Variants in ABCA1 observed in about 807,000 individuals in gnomAD.
The protein encoded by ABCA1 is phospholipid-transporting ATPase ABCA1.
Under a neutral mutation model 262.5 loss-of-function variants are expected in ABCA1, and 133 were observed. That is an observed-to-expected ratio of 0.51 (90% CI 0.44 to 0.59). The LOEUF (loss-of-function observed/expected upper bound fraction) is 0.59, where lower values mean the gene tolerates loss of function less well. Ranked by LOEUF, ABCA1 falls within the 20% of genes least tolerant of loss-of-function variation. The pLI, the probability that ABCA1 is intolerant of heterozygous loss-of-function variation, is 0.00. For missense variants in ABCA1, 2,452 were observed against 2,777.5 expected, an observed-to-expected ratio of 0.88 and a Z score of 2.63; for synonymous variants, 1,022 against 1,043.5, an observed-to-expected ratio of 0.98 and a Z score of 0.40.
intron 34 of ABCA1, among the ~76,000 whole-genome samples, chr9:104,801,472 G>A (rs539107477): frequency 2.0e-5 from 3 of 150,914 alleles, no homozygotes; most frequent in East Asian, 2.0e-4. Flanking sequence ...TGCCCGCCTC[G>A]GCATCCCAAA....
At chr9:104,862,085 C>T (rs1836462209) in intron 5 of ABCA1, among the ~76,000 whole-genome samples, 1 of 151,316 alleles carries the variant, frequency 6.6e-6, no homozygotes, top group African/African-American at 2.4e-5. Flanking sequence ...CATACACACA[C>T]ACACAGCCTT....
rs111761827 is a variant in ABCA1 at position 104,909,649 on chromosome 9, C to T, written c.-92-5878G>A. 1.6e-3 allele frequency among the ~76,000 whole-genome samples: 222 copies of T among 139,256 alleles called. 2 individuals carry two copies. The Middle Eastern group carries it at 0.022, about 14-fold the overall frequency. 91.4% of individuals were successfully genotyped at this position (139,256 alleles called of 152,430 possible). On this transcript the variant is annotated intron_variant, in intron 1 of 49. Transcript: ENST00000374736. ...ACACACACACACACACACACACACA[C>T]ACACATTCACAGGAAGCTGGCTGTG...
chr9:104,875,172 T>A (rs1838041185), intron 5 of ABCA1, among the ~76,000 whole-genome samples: 1 of 151,080 alleles, frequency 6.6e-6, no homozygotes, highest in African/African-American at 2.4e-5. Flanking sequence ...TGAAAAAAAA[T>A]AAATAAATAA....
chr9:104,847,476 C>A (rs572632283), intron 7 of ABCA1, among the ~76,000 whole-genome samples: 7 of 152,230 alleles, frequency 4.6e-5, no homozygotes, highest in Non-Finnish European at 8.8e-5. Context: ...CATCCCCTGC[C>A]TTTTTCTTCC....
intron 10 of ABCA1, 88 bp from the exon 11 acceptor site, chr9:104,837,184 C>A: frequency 8.4e-7 from 1 of 1,185,686 alleles, no homozygotes; most frequent in Non-Finnish European, 1.2e-6. Context: ...AAAGATACCC[C>A]ATCACAGCAG....
chr9:104,847,794 G>A (rs73521819), intron 7 of ABCA1, among the ~76,000 whole-genome samples: 2,552 of 152,228 alleles, frequency 0.017, 62 homozygotes, highest in African/African-American at 0.057. Context: ...TTCTTTTACT[G>A]AGCATTTGCC....
chr9:104,861,495 C>T, intron 6 of ABCA1, 184 bp downstream of exon 6: 8 of 766,832 alleles, frequency 1.0e-5, no homozygotes, highest in Non-Finnish European at 1.7e-5. Flanking sequence ...GTTGCATATT[C>T]CACTCCTGGA....
intron 28 of ABCA1, among the ~76,000 whole-genome samples, chr9:104,811,762 A>C (rs1339999596): frequency 6.6e-6 from 1 of 152,224 alleles, no homozygotes; most frequent in Non-Finnish European, 1.5e-5. Flanking sequence ...CTATGTTGTC[A>C]TTATTTATGG....
At chr9:104,784,671 G>A (rs538779463) in intron 49 of ABCA1, among the ~76,000 whole-genome samples, 19 of 152,234 alleles carry the variant, frequency 1.2e-4, no homozygotes, top group African/African-American at 3.6e-4. Context: ...TTGAAATGGG[G>A]TCTTGCTCTG....
At chr9:104,812,365 C>T (rs984647551) in intron 28 of ABCA1, among the ~76,000 whole-genome samples, 3 of 152,166 alleles carry the variant, frequency 2.0e-5, no homozygotes, top group African/African-American at 2.4e-5. Flanking sequence ...ATATTATTAT[C>T]CCCATTTTAC....
chr9:104,813,200 GT>G, intron 27 of ABCA1, among the ~76,000 whole-genome samples: 1 of 152,330 alleles, frequency 6.6e-6, no homozygotes, highest in South Asian at 2.1e-4. Context: ...AAGTCAGGCA[GT>G]TATATATAAT....
In ABCA1 at chr9:104,784,779, G is replaced by A. The variant is rs143224478; in HGVS notation, c.6646-324C>T. The stretch of plus-strand genomic sequence containing the variant: ...CTGCCTCAGCCTCGCAAGTAGCTGG[G>A]ACTACAAGTGCGCACCACCATGCCC... On this transcript the variant is annotated intron_variant, in intron 49 of 49. Transcript: ENST00000374736. Among the ~76,000 whole-genome samples, 1,073 of 152,242 alleles carry A rather than the reference G, an allele frequency of 7.0e-3. 11 individuals are homozygous for A. The highest frequency in any genetic ancestry group is 0.025 in the African/African-American group (1,023 of 41,528).
At chr9:104,863,964 T>A (rs1356684141) in intron 5 of ABCA1, among the ~76,000 whole-genome samples, 1 of 152,198 alleles carries the variant, frequency 6.6e-6, no homozygotes, top group African/African-American at 2.4e-5. Flanking sequence ...GGGTCTAGAG[T>A]GCAGAGCCTA....
In ABCA1 at chr9:104,811,000, C is replaced by T. The variant is rs1230298781; in HGVS notation, c.4051-76G>A. 14 of 1,604,086 alleles carry T rather than the reference C, an allele frequency of 8.7e-6. No homozygotes were observed. In the Admixed American group the frequency reaches 1.8e-4, roughly 21 times the overall value. Reference sequence around the variant, plus strand: ...TTAGAAACAAGGCCAAGGGGCAAATCCCTACGAGTCCAGCCCACCTCCCCG... The same window carrying T: ...TTAGAAACAAGGCCAAGGGGCAAATTCCTACGAGTCCAGCCCACCTCCCCG... On this transcript the variant is annotated intron_variant, in intron 28 of 49. Coordinates refer to ENST00000374736, the MANE Select transcript of ABCA1 (RefSeq NM_005502.4).
chr9:104,910,493 A>C (rs1343319850), intron 1 of ABCA1, among the ~76,000 whole-genome samples: 1 of 152,236 alleles, frequency 6.6e-6, no homozygotes, highest in Non-Finnish European at 1.5e-5. Context: ...AATAGTTCAC[A>C]TACCCAAAAT....
At chr9:104,819,802 C>T in intron 21 of ABCA1, 79 bp from the exon 22 acceptor site, 1 of 1,612,084 alleles carries the variant, frequency 6.2e-7, no homozygotes, top group African/African-American at 1.3e-5. Context: ...GGGGCACAGC[C>T]AGGGACAAGT....
chr9:104,828,850 T>C, intron 15 of ABCA1, 66 bp downstream of exon 15: 1 of 1,519,240 alleles, frequency 6.6e-7, no homozygotes, highest in Non-Finnish European at 9.1e-7. Context: ...CTTCTTCTCC[T>C]CCCTTAGCCC....
chr9:104,865,042 C>T (rs977903152), intron 5 of ABCA1, among the ~76,000 whole-genome samples: 2 of 152,220 alleles, frequency 1.3e-5, no homozygotes, highest in African/African-American at 4.8e-5. Flanking sequence ...AGATCCTCCA[C>T]TACAAAGAAC....
intron 49 of ABCA1, among the ~76,000 whole-genome samples, 154 bp downstream of exon 49, chr9:104,785,242 C>A (rs1230497911): frequency 6.6e-6 from 1 of 152,114 alleles, no homozygotes; most frequent in Non-Finnish European, 1.5e-5. Flanking sequence ...TTTTCAGGTT[C>A]AGAGAGGTTT....
Sources: gnomAD v4.1 joint callset for allele counts (sites outside exome capture counted in the v4.1 genomes callset) on GRCh38, gnomAD v4.1.1 for gene constraint, MANE v1.5 for transcripts, NCBI Gene and HGNC (gene_info 2026-07-23, HGNC 2026-07-21) for gene names.